The following GTF2A2 variants were observed in gnomAD, a reference collection of about 807,000 sequenced individuals.
The protein encoded by GTF2A2 is transcription initiation factor IIA subunit 2.
A neutral mutation model predicts 14.3 loss-of-function variants in GTF2A2; 9 were observed. That is an observed-to-expected ratio of 0.63 (90% confidence interval 0.38 to 1.10). GTF2A2 has a LOEUF of 1.10. Among genes scored for constraint, GTF2A2 ranks in the 50% least tolerant of loss-of-function variants. The probability of loss-of-function intolerance (pLI) is 0.01; values close to 1 mark genes in which losing one functional copy is unlikely to be tolerated. For missense variants in GTF2A2, 90 were observed against 124.6 expected, an observed-to-expected ratio of 0.72 and a Z score of 1.32; for synonymous variants, 56 against 46.0, an observed-to-expected ratio of 1.22 and a Z score of -0.88.
chr15:59,648,401 C>CAAAAAAAAAAAAAAA (rs71425875), intron 3 of GTF2A2, among the ~76,000 whole-genome samples: 4 of 90,562 alleles, frequency 4.4e-5, no homozygotes, highest in African/African-American at 9.3e-5. Context: ...GACTTCGTCT[C>CAAAAAAAAAAAAAAA]AAAAAAAAAA....
At chr15:59,639,827 T>TGCAATCTCCACCTCTCGG (rs1233339866) in intron 4 of GTF2A2, among the ~76,000 whole-genome samples, 1 of 152,060 alleles carries the variant, frequency 6.6e-6, no homozygotes, top group Non-Finnish European at 1.5e-5. Context: ...CTCAGCTCAC[T>TGCAATCTCCACCTCTCGG]GCAATCTCCA....
intron 4 of GTF2A2, 49 bp from the exon 5 acceptor site, chr15:59,639,206 T>G (rs375638437): frequency 1.1e-4 from 122 of 1,122,028 alleles, no homozygotes; most frequent in Middle Eastern, 4.2e-4. Flanking sequence ...AGGAGCAATT[T>G]AATTTTACAA....
Position 59,639,040 on chromosome 15 carries a change from C to CAATTCTAGAATAAATAA in GTF2A2, c.*75_*91dup. The stretch of plus-strand genomic sequence containing the variant: ...GTATAGCACAGTGTAGTCATTTCTG[C>CAATTCTAGAATAAATAA]AATTCTAGAATAAATAAAAAGTCTC... On this transcript the variant is annotated 3_prime_UTR_variant, in exon 5 of 5. Transcript: ENST00000396060. The CAATTCTAGAATAAATAA allele has an allele frequency of 1.3e-6, 1 of 787,158 alleles. No individual in the cohort carries two copies. The highest frequency in any genetic ancestry group is 2.2e-6 in the Non-Finnish European group (1 of 445,126). 48.8% of individuals were successfully genotyped at this position (787,158 alleles called of 1,614,324 possible). A position where few individuals can be genotyped will look rare whatever the true frequency, so the allele number is the denominator to read the frequency against.
chr15:59,640,783 A>C (rs962687683), intron 4 of GTF2A2, among the ~76,000 whole-genome samples: 1 of 152,230 alleles, frequency 6.6e-6, no homozygotes, highest in Non-Finnish European at 1.5e-5. Context: ...ACACAATTTC[A>C]AATATAGAAA....
intron 4 of GTF2A2, among the ~76,000 whole-genome samples, chr15:59,640,713 TAAAA>T (rs1891388258): frequency 1.3e-5 from 2 of 151,988 alleles, no homozygotes; most frequent in Admixed American, 1.3e-4. Flanking sequence ...TACAGACTAA[TAAAA>T]ATAAATATAA....
chr15:59,654,518 T>G (rs1335308243), intron 1 of GTF2A2, among the ~76,000 whole-genome samples: 1 of 152,234 alleles, frequency 6.6e-6, no homozygotes, highest in Non-Finnish European at 1.5e-5. Flanking sequence ...TACCAATAAC[T>G]GAAGCTAACA....
At position 59,638,923 on chromosome 15, in the gene GTF2A2, C is replaced by T; in HGVS notation, c.*209G>A. ...TTCTTAGGAAGGCAACAACTTTTGT[C>T]CTTAAAAAAAAGTTATGGTTTTTCA... On this transcript the variant is annotated 3_prime_UTR_variant, in exon 5 of 5. Coordinates refer to ENST00000396060, the MANE Select transcript of GTF2A2 (RefSeq NM_004492.3). 2.1e-6 allele frequency: 1 copy of T among 479,768 alleles called. No homozygotes were observed. Among genetic ancestry groups the T allele is most frequent in the Non-Finnish European group, 3.8e-6 (1 of 264,564 alleles). The allele number at this position is 479,768 out of a possible 1,614,324, so 29.7% of individuals were successfully genotyped here.
intron 3 of GTF2A2, among the ~76,000 whole-genome samples, chr15:59,647,334 A>C (rs1193529709): frequency 6.6e-6 from 1 of 152,174 alleles, no homozygotes; most frequent in Non-Finnish European, 1.5e-5. Flanking sequence ...CCTGCCCTCA[A>C]GTGATCCTCC....
At chr15:59,645,744 G>A (rs1891583079) in intron 3 of GTF2A2, among the ~76,000 whole-genome samples, 1 of 152,096 alleles carries the variant, frequency 6.6e-6, no homozygotes, top group South Asian at 2.1e-4. Context: ...TTAAGAGTGT[G>A]TATATTACTG....
rs377176564 is a variant in GTF2A2, at chr15:59,642,258, G to C, written c.182C>G (p.Ser61Cys). Residue 61 changes from serine (S) to cysteine (C), a missense_variant, in exon 4 of 5, where the codon TCT becomes TGT. Physicochemically the swap from Ser to Cys is moderately radical, Grantham distance 112 (BLOSUM62 -1). Transcript: ENST00000396060. The stretch of plus-strand genomic sequence containing the variant: ...ATCGCAGAATCTGTACGTATTTAGA[G>C]AGCCCTTTAAAACAAAACATTTAGA... The part of the protein sequence containing the change: ...RVRNRVNFRG[S>C]LNTYRFCDNV... The C allele has an allele frequency of 2.5e-6, 4 of 1,597,650 alleles. No individual in the cohort carries two copies. The highest frequency in any genetic ancestry group is 8.5e-7 in the Non-Finnish European group (1 of 1,174,054).
intron 3 of GTF2A2, among the ~76,000 whole-genome samples, chr15:59,647,745 A>G (rs1266187670): frequency 6.6e-6 from 1 of 151,914 alleles, no homozygotes; most frequent in Non-Finnish European, 1.5e-5. Flanking sequence ...TGCCCAGCTC[A>G]TTTTAGTAAA....
intron 1 of GTF2A2, among the ~76,000 whole-genome samples, chr15:59,654,734 A>T (rs775155725): frequency 6.6e-6 from 1 of 152,226 alleles, no homozygotes; most frequent in African/African-American, 2.4e-5. Flanking sequence ...TTCACTGAGG[A>T]AACTGCAGCA....
At chr15:59,641,210 G>GATTAAT (rs1891413149) in intron 4 of GTF2A2, among the ~76,000 whole-genome samples, 1 of 122,914 alleles carries the variant, frequency 8.1e-6, no homozygotes, top group African/African-American at 3.2e-5. Flanking sequence ...TAAGGCTTAA[G>GATTAAT]AGTAGTAAAC....
At chr15:59,646,610 A>G (rs1868877008) in intron 3 of GTF2A2, among the ~76,000 whole-genome samples, 2 of 152,216 alleles carry the variant, frequency 1.3e-5, no homozygotes, top group Admixed American at 1.3e-4. Flanking sequence ...AAAATCTTAC[A>G]TATCATATGC....
At chr15:59,648,336 A>G (rs974758107) in intron 3 of GTF2A2, among the ~76,000 whole-genome samples, 2 of 145,036 alleles carry the variant, frequency 1.4e-5, no homozygotes, top group Non-Finnish European at 3.0e-5. Context: ...TGAACCCAGG[A>G]GGCAGAGGTT....
intron 1 of GTF2A2, among the ~76,000 whole-genome samples, chr15:59,653,482 T>C (rs1287103268): frequency 1.3e-5 from 2 of 152,238 alleles, no homozygotes; most frequent in African/African-American, 4.8e-5. Context: ...TGAGACAGCA[T>C]TCTCAGTTCT....
rs533337721 is a variant in GTF2A2 at position 59,642,554 on chromosome 15, CAT to C, written c.178-294_178-293del. On this transcript the variant is annotated intron_variant, in intron 3 of 4. Coordinates refer to ENST00000396060, the MANE Select transcript of GTF2A2 (RefSeq NM_004492.3). Reference sequence around the variant, plus strand: ...CTTGCGTTTGTATTTCTATTGCCCTCATGTGGCTAAGTTATGAAAGTTCATTC... The same window carrying C: ...CTTGCGTTTGTATTTCTATTGCCCTCGTGGCTAAGTTATGAAAGTTCATTC... 4.2e-4 allele frequency among the ~76,000 whole-genome samples: 64 copies of C among 152,282 alleles called. 2 individuals are homozygous for C. In the Middle Eastern group the frequency reaches 0.01, roughly 24 times the overall value.
intron 4 of GTF2A2, among the ~76,000 whole-genome samples, 180 bp from the exon 5 acceptor site, chr15:59,639,337 C>G (rs1447444930): frequency 6.6e-6 from 1 of 151,902 alleles, no homozygotes; most frequent in Admixed American, 6.6e-5. Flanking sequence ...AGTAAGTTTC[C>G]TTTTAAGCAG....
chr15:59,650,891 G>A (rs1173589427), intron 2 of GTF2A2, 118 bp from the exon 3 acceptor site: 1 of 606,404 alleles, frequency 1.6e-6, no homozygotes, highest in Non-Finnish European at 2.9e-6. Flanking sequence ...CTCTAAACTA[G>A]AATTCCTTTA....
Sources: gnomAD v4.1 joint callset for allele counts (sites outside exome capture counted in the v4.1 genomes callset) on GRCh38, gnomAD v4.1.1 for gene constraint, MANE v1.5 for transcripts, NCBI Gene and HGNC (gene_info 2026-07-23, HGNC 2026-07-21) for gene names.